PPP6R1: variants seen among roughly 807,000 people sequenced by gnomAD.
PPP6R1 encodes the protein serine/threonine-protein phosphatase 6 regulatory subunit 1.
PPP6R1 carries 39 observed loss-of-function variants against 104.6 expected under a neutral mutation model. The ratio of observed to expected loss-of-function variants is 0.37; its 90% confidence interval spans 0.29 to 0.49. The LOEUF (loss-of-function observed/expected upper bound fraction) is 0.49. PPP6R1 is among the 20% of genes least tolerant of loss of function. The probability of loss-of-function intolerance (pLI) is 0.98; values close to 1 mark genes in which losing one functional copy is unlikely to be tolerated. For synonymous variants in PPP6R1, 549 were observed against 479.0 expected (o/e 1.15, Z -1.91); for missense variants, 1,181 against 1,155.8 (o/e 1.02, Z -0.32).
intron 5 of PPP6R1, among the ~76,000 whole-genome samples, chr19:55,244,289 A>G (rs1229755187): frequency 1.3e-5 from 2 of 152,184 alleles, no homozygotes; most frequent in Non-Finnish European, 2.9e-5. Context: ...GGCCTCGGAT[A>G]TCTGAGGCTC....
At chr19:55,231,717 G>A (rs377472512) in intron 19 of PPP6R1, 49 bp from the exon 20 acceptor site, 54 of 1,525,458 alleles carry the variant, frequency 3.5e-5, no homozygotes, top group Non-Finnish European at 4.3e-5. Context: ...GTTAGCACTC[G>A]AGCCTATGAG....
chr19:55,232,271 T>G (rs149750007), intron 17 of PPP6R1, 60 bp from the exon 18 acceptor site: 499 of 1,484,518 alleles, frequency 3.4e-4, no homozygotes, highest in African/African-American at 3.2e-3. Context: ...ACACCCATCC[T>G]GTTCCCTGCA....
chr19:55,250,256 C>G (rs908452548), intron 1 of PPP6R1, among the ~76,000 whole-genome samples: 1 of 152,242 alleles, frequency 6.6e-6, no homozygotes, highest in Non-Finnish European at 1.5e-5. Context: ...CAGGGAATGG[C>G]CTTATTTTAC....
chr19:55,234,797 G>GTC (rs1487765229), intron 17 of PPP6R1, among the ~76,000 whole-genome samples: 83 of 152,188 alleles, frequency 5.5e-4, no homozygotes, highest in African/African-American at 1.7e-3. Flanking sequence ...CAACAGGGAA[G>GTC]GAGCTCACAA....
At chr19:55,242,065 G>C in intron 7 of PPP6R1, 101 bp downstream of exon 7, 1 of 1,116,052 alleles carries the variant, frequency 9.0e-7, no homozygotes, top group Non-Finnish European at 1.3e-6. Context: ...AAGGTGCCAC[G>C]GGCGGGGATT....
intron 1 of PPP6R1, among the ~76,000 whole-genome samples, chr19:55,250,627 G>C (rs146349201): frequency 6.6e-6 from 1 of 152,280 alleles, no homozygotes; most frequent in East Asian, 1.9e-4. Context: ...CTGGATTCAG[G>C]ATGGAGGGCT....
Position 55,239,482 on chromosome 19 carries a change from C to T in PPP6R1, c.1674G>A (p.Met558Ile), listed in dbSNP as rs1054600296. 4 of 1,614,000 alleles carry T rather than the reference C, an allele frequency of 2.5e-6. No homozygotes were observed. The highest frequency in any genetic ancestry group is 2.7e-5 in the African/African-American group (2 of 75,058). The change falls in exon 15 of 24, where the codon ATG becomes ATA. Residue 558 changes from methionine (M) to isoleucine (I), a missense_variant. By Grantham distance (10) the Met-to-Ile change is conservative. Coordinates refer to ENST00000412770, the MANE Select transcript of PPP6R1 (RefSeq NM_014931.4). Reference protein sequence around the residue: ...VLQQAFMDFQMQRMTSAFIDH... With the variant: ...VLQQAFMDFQIQRMTSAFIDH... ...CAATGAAGGCAGAGGTCATGCGCTG[C>T]ATCTGGAAGTCCATGAAGGCCTGTG...
chr19:55,241,271 G>A lies in PPP6R1; in HGVS notation c.1129C>T (p.Leu377Phe). 6 of 1,608,414 alleles carry A rather than the reference G, an allele frequency of 3.7e-6. No individual in the cohort carries two copies. The highest frequency in any genetic ancestry group is 5.1e-6 in the Non-Finnish European group (6 of 1,178,752). ...SANDAALTHE[L>F]LALDVPNTML... ...GTGTTGGGCACGTCCAGTGCCAGGA[G>A]CTCGTGCGTCAGGGCTGCATCATTG... is the stretch of plus-strand genomic sequence containing the variant. Residue 377 changes from leucine (L) to phenylalanine (F), a missense_variant, in exon 9 of 24, where the codon CTC becomes TTC. Transcript: ENST00000412770. The surrounding 1 kb of genome is among the most constrained non-coding windows in gnomAD (Gnocchi z 5.4).
intron 17 of PPP6R1, among the ~76,000 whole-genome samples, chr19:55,234,286 C>T (rs186430466): frequency 1.3e-5 from 2 of 152,294 alleles, no homozygotes; most frequent in East Asian, 1.9e-4. Context: ...GCAACAGCAA[C>T]CAGGCCAGTG....
chr19:55,242,637 A>T (rs1010927404), intron 5 of PPP6R1, 149 bp from the exon 6 acceptor site: 2 of 673,140 alleles, frequency 3.0e-6, no homozygotes, highest in African/African-American at 3.5e-5. Context: ...GAGGGCACAG[A>T]GGCACCAACT....
chr19:55,240,945 A>G lies in PPP6R1; in HGVS notation c.1296T>C (p.His432=). 1.2e-6 allele frequency: 2 copies of G among 1,605,366 alleles called. No individual in the cohort carries two copies. Among genetic ancestry groups the G allele is most frequent in the Non-Finnish European group, 1.7e-6 (2 of 1,176,724 alleles). ...GGGGGACCAGGGAGTCCCAGCTCAC[A>G]TGTTTCACAACAGGGTTTTGGATGG... is the stretch of plus-strand genomic sequence containing the variant. ...ETPIQNPVVK[H]LLQQCRLVER... is the part of the protein sequence containing the mutation. Residue 432 remains histidine, a splice_region_variant and synonymous_variant, in exon 10 of 24, where the codon CAT becomes CAC. Coordinates refer to ENST00000412770, the MANE Select transcript of PPP6R1 (RefSeq NM_014931.4).
rs1218449400 is a variant in PPP6R1, at chr19:55,258,962, T to TGCGGCCGGCCTCAGGGCCTCCG, written c.-556_-535dup. ...CCAAAGCCGCTCAATCTCCGGGCTC[T>TGCGGCCGGCCTCAGGGCCTCCG]GCGGCCGGCCTCAGGGCCTCCGACG... is the stretch of plus-strand genomic sequence containing the variant. On this transcript the variant is annotated 5_prime_UTR_variant, in exon 1 of 24. Transcript: ENST00000412770. 25 of 152,304 alleles carry TGCGGCCGGCCTCAGGGCCTCCG rather than the reference T, an allele frequency of 1.6e-4. No homozygotes were observed. Among genetic ancestry groups the TGCGGCCGGCCTCAGGGCCTCCG allele is most frequent in the Non-Finnish European group, 2.6e-4 (18 of 68,050 alleles). 9.4% of individuals were successfully genotyped at this position (152,304 alleles called of 1,614,324 possible). A position where few individuals can be genotyped will look rare whatever the true frequency, so the allele number is the denominator to read the frequency against.
chr19:55,236,446 T>C (rs2122564383), intron 17 of PPP6R1, 197 bp downstream of exon 17: 1 of 617,786 alleles, frequency 1.6e-6, no homozygotes, highest in South Asian at 2.6e-5. Context: ...ACTCAGGGAT[T>C]ACATGAGCCC....
At position 55,231,430 on chromosome 19, in the gene PPP6R1, A is replaced by G. The variant is rs887100384; in HGVS notation, c.2439T>C (p.Ser813=). ...CTCACCTGTCCGAGGAGCTGGGGGC[A>G]GAACGGATCCCGTGGAAGGTGGCCT... ...DLQATFHGIR[S]APSSSDSATR... is the part of the protein sequence containing the mutation. The change falls in exon 21 of 24, where the codon TCT becomes TCC. Residue 813 remains serine, a synonymous_variant. Transcript: ENST00000412770. 3.7e-6 allele frequency: 6 copies of G among 1,604,784 alleles called. No homozygotes were observed. Among genetic ancestry groups the G allele is most frequent in the Non-Finnish European group, 4.3e-6 (5 of 1,176,320 alleles).
At chr19:55,230,937 T>A in intron 21 of PPP6R1, 53 bp from the exon 22 acceptor site, 2 of 1,422,676 alleles carry the variant, frequency 1.4e-6, no homozygotes, top group Non-Finnish European at 2.0e-6. Flanking sequence ...CGTCACCTGC[T>A]GACACCCTCA....
chr19:55,239,526 C>G (rs2087430435), intron 14 of PPP6R1, 24 bp from the exon 15 acceptor site: 1 of 1,612,832 alleles, frequency 6.2e-7, no homozygotes, highest in African/African-American at 1.3e-5. Context: ...GAGGTTAGGG[C>G]TGGAGGGAGT....
Position 55,234,970 on chromosome 19 carries a change from C to A in PPP6R1, c.1988+1673G>T, listed in dbSNP as rs1176750696. On this transcript the variant is annotated intron_variant, in intron 17 of 23. Transcript: ENST00000412770. ...GAGGGGATGTGGGTACTGGGAAGGT[C>A]CTGCTCCTGGGTCTGGGCACTGAGG... Among the ~76,000 whole-genome samples, 3 of 152,300 alleles carry A rather than the reference C, an allele frequency of 2.0e-5. No individual in the cohort carries two copies. The East Asian group carries it at 5.8e-4, about 29-fold the overall frequency.
intron 17 of PPP6R1, chr19:55,232,590 T>G: frequency 5.0e-6 from 1 of 201,140 alleles, no homozygotes; most frequent in Non-Finnish European, 9.9e-6. Context: ...TGACAGGCCT[T>G]CCCACCAGCA....
chr19:55,254,460 C>G (rs2087577621), intron 1 of PPP6R1, among the ~76,000 whole-genome samples: 1 of 152,188 alleles, frequency 6.6e-6, no homozygotes, highest in African/African-American at 2.4e-5. Context: ...CTTCCTTCCC[C>G]TGCTTGGACA....
Sources: gnomAD v4.1 joint callset for allele counts (sites outside exome capture counted in the v4.1 genomes callset) on GRCh38, gnomAD v4.1.1 for gene constraint, Gnocchi (gnomAD v3.1) non-coding constraint, MANE v1.5 for transcripts, NCBI Gene and HGNC (gene_info 2026-07-23, HGNC 2026-07-21) for gene names.